Variants in DLG5 observed in about 807,000 individuals in gnomAD.
DLG5 encodes the protein disks large homolog 5.
Under a neutral mutation model 189.8 loss-of-function variants are expected in DLG5, and 48 were observed. The ratio of observed to expected loss-of-function variants is 0.25; its 90% confidence interval spans 0.20 to 0.32. The LOEUF (loss-of-function observed/expected upper bound fraction) is 0.32, where lower values mean the gene tolerates loss of function less well. Among genes scored for constraint, DLG5 ranks in the 10% least tolerant of loss-of-function variants. The probability of loss-of-function intolerance (pLI) is 1.00; values close to 1 mark genes in which losing one functional copy is unlikely to be tolerated. For missense variants in DLG5, 2,160 were observed against 2,544.7 expected, an observed-to-expected ratio of 0.85 and a Z score of 3.25; for synonymous variants, 1,016 against 1,054.1, an observed-to-expected ratio of 0.96 and a Z score of 0.70.
the DLG5 span, among the ~76,000 whole-genome samples, chr10:77,934,973 T>A: frequency 2.0e-5 from 3 of 151,402 alleles, no homozygotes; most frequent in Non-Finnish European, 4.4e-5. Flanking sequence ...TTCTCCTGCC[T>A]CAGCCTTCCC....
chr10:77,806,718 A>ACCG, intron 26 of DLG5, 40 bp downstream of exon 26: 5 of 1,333,654 alleles, frequency 3.7e-6, no homozygotes, highest in Non-Finnish European at 4.3e-6. Context: ...GCCCTCGGCG[A>ACCG]CCCCTGCCCC....
intron 25 of DLG5, 130 bp from the exon 26 acceptor site, chr10:77,807,058 G>A (rs1413439763): frequency 4.0e-6 from 4 of 1,002,444 alleles, no homozygotes; most frequent in Non-Finnish European, 4.3e-6. Flanking sequence ...ATCAGGAATC[G>A]CCGAGGGTGG....
Position 77,835,142 on chromosome 10 carries a change from CACACTCCACA to C in DLG5, c.1622+586_1622+595del, listed in dbSNP as rs1295776116. On this transcript the variant is annotated intron_variant, in intron 8 of 31. Coordinates refer to ENST00000372391, the MANE Select transcript of DLG5 (RefSeq NM_004747.4). The stretch of plus-strand genomic sequence containing the variant: ...GACTTGCCCACGTCCCTGCCCTGAG[CACACTCCACA>C]GGTGCCCTCCATCTGCAATGCCCTT... 5.3e-5 allele frequency among the ~76,000 whole-genome samples: 8 copies of C among 152,238 alleles called. 1 individual carries two copies. The highest frequency in any genetic ancestry group is 1.9e-4 in the African/African-American group (8 of 41,530).
chr10:77,925,947 G>A (rs1846674005), intron 1 of DLG5, among the ~76,000 whole-genome samples: 1 of 152,184 alleles, frequency 6.6e-6, no homozygotes, highest in African/African-American at 2.4e-5. Flanking sequence ...ACCCGCTACT[G>A]GACCTGGTGG....
At chr10:77,891,593 C>T (rs1208448450) in intron 1 of DLG5, among the ~76,000 whole-genome samples, 1 of 151,688 alleles carries the variant, frequency 6.6e-6, no homozygotes, top group South Asian at 2.1e-4. Flanking sequence ...CACACACACA[C>T]ACACACACAC....
intron 1 of DLG5, among the ~76,000 whole-genome samples, chr10:77,871,476 G>C (rs1844894875): frequency 6.9e-6 from 1 of 145,198 alleles, no homozygotes; most frequent in Non-Finnish European, 1.5e-5. Flanking sequence ...CACACTATTA[G>C]TTTTGCTGTA....
In DLG5 at chr10:77,830,495, G is replaced by A. The variant is rs1039749202; in HGVS notation, c.1882-151C>T. On this transcript the variant is annotated intron_variant, in intron 10 of 31. Transcript: ENST00000372391. ...CCATCCCCAGGATGGAAACCTATGA[G>A]TATCTGCAACCTGCCCCTTCTGGCC... 5 of 1,326,180 alleles carry A rather than the reference G, an allele frequency of 3.8e-6. No homozygotes were observed. The South Asian group carries it at 7.0e-5, about 19-fold the overall frequency. The allele number at this position is 1,326,180 out of a possible 1,614,324, so 82.2% of individuals were successfully genotyped here.
At chr10:77,809,487 G>A in intron 24 of DLG5, 60 bp downstream of exon 24, 1 of 1,525,984 alleles carries the variant, frequency 6.6e-7, no homozygotes, top group Non-Finnish European at 8.8e-7. Context: ...ACCTGAGATG[G>A]CAGCAAGCCC....
chr10:77,811,857 G>A lies in DLG5; in HGVS notation c.4322+67C>T, dbSNP rs1841788441. 2.6e-6 allele frequency: 4 copies of A among 1,512,006 alleles called. No homozygotes were observed. The Admixed American group carries it at 6.1e-5, about 23-fold the overall frequency. 93.7% of individuals were successfully genotyped at this position (1,512,006 alleles called of 1,614,324 possible). On this transcript the variant is annotated intron_variant, in intron 22 of 31. Coordinates refer to ENST00000372391, the MANE Select transcript of DLG5 (RefSeq NM_004747.4). ...CTGGCACCCTGGGTCTCCCTAAAAT[G>A]AGCAGAGTGCTGCTGCACCCACCTC...
chr10:77,938,953 T>G, the DLG5 span, among the ~76,000 whole-genome samples: 1 of 152,146 alleles, frequency 6.6e-6, no homozygotes, highest in Non-Finnish European at 1.5e-5. Flanking sequence ...CTTTGGAAGG[T>G]GGGCGGATCT....
chr10:77,792,623 CT>C (rs1568105607), intron 31 of DLG5, 80 bp from the exon 32 acceptor site: 4 of 1,303,904 alleles, frequency 3.1e-6, no homozygotes, highest in Non-Finnish European at 1.1e-6. Context: ...AGCTTGCACT[CT>C]TTCTACTGTG....
In DLG5 at chr10:77,890,650, C is replaced by CAGT. The variant is rs1200712096; in HGVS notation, c.305-21454_305-21453insACT. Among the ~76,000 whole-genome samples the CAGT allele has an allele frequency of 6.6e-5, 10 of 152,242 alleles. 1 individual carries two copies. Among genetic ancestry groups the CAGT allele is most frequent in the Admixed American group, 5.9e-4 (9 of 15,288 alleles). On this transcript the variant is annotated intron_variant, in intron 1 of 31. Coordinates refer to ENST00000372391, the MANE Select transcript of DLG5 (RefSeq NM_004747.4). Reference sequence around the variant, plus strand: ...TGACCAACATGGAGAAACCCCATCTCTACTAAAAATACAAAATTAGCTGGG... The same window carrying CAGT: ...TGACCAACATGGAGAAACCCCATCTCAGTTACTAAAAATACAAAATTAGCTGGG...
intron 1 of DLG5, among the ~76,000 whole-genome samples, chr10:77,878,230 G>A (rs1050627911): frequency 2.6e-5 from 4 of 152,238 alleles, no homozygotes; most frequent in African/African-American, 7.2e-5. Flanking sequence ...GCGTCAGACC[G>A]GCTGGCTCAG....
intron 1 of DLG5, among the ~76,000 whole-genome samples, chr10:77,905,316 T>C (rs1053042110): frequency 3.9e-5 from 6 of 152,166 alleles, no homozygotes; most frequent in African/African-American, 7.2e-5. Flanking sequence ...TCCTGTCTTA[T>C]GTAGTATCAC....
intron 14 of DLG5, among the ~76,000 whole-genome samples, chr10:77,823,537 T>G (rs1205410002): frequency 1.3e-5 from 2 of 151,722 alleles, no homozygotes; most frequent in African/African-American, 2.4e-5. Flanking sequence ...TTCCTTTTTT[T>G]TTTTTTTTTT....
intron 2 of DLG5, among the ~76,000 whole-genome samples, chr10:77,857,749 G>A (rs1844305804): frequency 6.6e-6 from 1 of 152,132 alleles, no homozygotes. Flanking sequence ...CTTTTATATT[G>A]AACCCTGTCA....
chr10:77,920,810 C>T (rs1276281394), intron 1 of DLG5, among the ~76,000 whole-genome samples: 1 of 152,212 alleles, frequency 6.6e-6, no homozygotes, highest in African/African-American at 2.4e-5. Flanking sequence ...CCCACAGCAT[C>T]GATCCAAGAG....
chr10:77,937,130 A>C, the DLG5 span, among the ~76,000 whole-genome samples: 2 of 152,154 alleles, frequency 1.3e-5, no homozygotes, highest in African/African-American at 4.8e-5. Flanking sequence ...CATTGCCTGC[A>C]GGGCATCCAG....
intron 1 of DLG5, among the ~76,000 whole-genome samples, chr10:77,886,698 C>T (rs1194604085): frequency 3.3e-5 from 5 of 152,164 alleles, no homozygotes; most frequent in African/African-American, 1.2e-4. Context: ...CCCCAAAATC[C>T]ATATGTTAAA....
Sources: gnomAD v4.1 joint callset for allele counts (sites outside exome capture counted in the v4.1 genomes callset) on GRCh38, gnomAD v4.1.1 for gene constraint, MANE v1.5 for transcripts, NCBI Gene and HGNC (gene_info 2026-07-23, HGNC 2026-07-21) for gene names.